Variants in PTAFR observed in about 807,000 individuals in gnomAD.
PTAFR encodes the protein platelet activating factor receptor, also known as platelet-activating factor receptor.
Under a neutral mutation model 14.7 loss-of-function variants are expected in PTAFR, and 8 were observed. That is an observed-to-expected ratio of 0.54 (90% confidence interval 0.32 to 0.98). PTAFR has a LOEUF of 0.98. Among genes scored for constraint, PTAFR ranks in the 50% least tolerant of loss-of-function variants. The probability of loss-of-function intolerance (pLI) is 0.04; values close to 1 mark genes in which losing one functional copy is unlikely to be tolerated. For missense variants in PTAFR, 337 were observed against 451.2 expected (o/e 0.75, Z 2.29); for synonymous variants, 156 against 176.5 (o/e 0.88, Z 0.92).
At chr1:28,184,589 T>A (rs1429860819) in intron 1 of PTAFR, among the ~76,000 whole-genome samples, 1 of 152,144 alleles carries the variant, frequency 6.6e-6, no homozygotes, top group Non-Finnish European at 1.5e-5. Context: ...CGTTCTGTTC[T>A]TCCTGCCCTT....
intron 1 of PTAFR, among the ~76,000 whole-genome samples, chr1:28,164,136 G>A (rs1433300915): frequency 5.3e-5 from 8 of 152,240 alleles, no homozygotes; most frequent in Non-Finnish European, 2.9e-5. Flanking sequence ...GACAGCCAGA[G>A]AGGAGGGACC....
At chr1:28,188,275 G>T (rs552547275) in intron 1 of PTAFR, among the ~76,000 whole-genome samples, 56 of 152,104 alleles carry the variant, frequency 3.7e-4, no homozygotes, top group Non-Finnish European at 6.3e-4. Flanking sequence ...TCAAGACGCT[G>T]TCTCTACTAA....
At chr1:28,173,238 C>T (rs375613921) in intron 1 of PTAFR, among the ~76,000 whole-genome samples, 2 of 137,138 alleles carry the variant, frequency 1.5e-5, no homozygotes, top group Admixed American at 1.6e-4. Flanking sequence ...CAGTGAGTCA[C>T]GATCATGCCA....
chr1:28,153,385 G>A (rs1438207631), intron 1 of PTAFR, among the ~76,000 whole-genome samples: 1 of 152,090 alleles, frequency 6.6e-6, no homozygotes, highest in Non-Finnish European at 1.5e-5. Flanking sequence ...CAGGGAGGAG[G>A]ATGGGAAGCA....
At position 28,162,696 on chromosome 1, in the gene PTAFR, G is replaced by T. The variant is rs184742029; in HGVS notation, c.-38-11637C>A. Reference sequence around the variant, plus strand: ...CAAAAATTAGCCAGGCATGGTGGTGGGTGCCTGTAATCCCAGCTACTCTGG... The same window carrying T: ...CAAAAATTAGCCAGGCATGGTGGTGTGTGCCTGTAATCCCAGCTACTCTGG... On this transcript the variant is annotated intron_variant, in intron 1 of 1. Coordinates refer to ENST00000373857, the MANE Select transcript of PTAFR (RefSeq NM_000952.5). Among the ~76,000 whole-genome samples the T allele has an allele frequency of 1.3e-4, 20 of 151,822 alleles. 1 individual carries two copies. In the East Asian group the frequency reaches 3.3e-3, roughly 25 times the overall value.
At position 28,150,311 on chromosome 1, in the gene PTAFR, G is replaced by C. The variant is rs1646166149; in HGVS notation, c.711C>G (p.Val237=). The C allele has an allele frequency of 6.2e-7, 1 of 1,613,714 alleles. No homozygotes were observed. Among genetic ancestry groups the C allele is most frequent in the Non-Finnish European group, 8.5e-7 (1 of 1,179,706 alleles). Residue 237 remains valine (V), a synonymous_variant, in exon 2 of 2, where the codon GTC becomes GTG. Transcript: ENST00000373857. The surrounding 1 kb of genome is among the most constrained non-coding windows in gnomAD (Gnocchi z 6.3). The part of the protein sequence containing the change: ...KRRALWMVCT[V]LAVFIICFVP... ...CGAAGCAGATGATGAACACCGCCAA[G>C]ACCGTGCACACCATCCACAGCGCCC...
intron 1 of PTAFR, among the ~76,000 whole-genome samples, chr1:28,185,871 T>G (rs1646602048): frequency 6.6e-6 from 1 of 152,036 alleles, no homozygotes; most frequent in African/African-American, 2.4e-5. Flanking sequence ...GCAATCATGC[T>G]CCTATAAACA....
At chr1:28,179,981 C>T (rs1572047899), upstream of PTAFR, among the ~76,000 whole-genome samples, 1 of 151,962 alleles carries the variant, frequency 6.6e-6, no homozygotes, top group Non-Finnish European at 1.5e-5. Flanking sequence ...ACAATGGAGC[C>T]AGTTCTCTCC....
intron 1 of PTAFR, among the ~76,000 whole-genome samples, chr1:28,172,904 G>A (rs889032441): frequency 1.3e-5 from 2 of 151,994 alleles, no homozygotes; most frequent in African/African-American, 4.8e-5. Flanking sequence ...AAGGAAGTGA[G>A]ATTATTGGTG....
chr1:28,150,926 A>G lies in PTAFR; in HGVS notation c.96T>C (p.Ala32=), dbSNP rs1438460582. 6.2e-7 allele frequency: 1 copy of G among 1,614,124 alleles called. No homozygotes were observed. Residue 32 remains alanine (A), a synonymous_variant, in exon 2 of 2, where the codon GCT becomes GCC. Transcript: ENST00000373857. This position sits in a 1 kb window ranked among gnomAD's most constrained non-coding sequence, Gnocchi z 6.3. ...YSIIFVLGVI[A]NGYVLWVFAR... ...CAAAGACCCACAGCACGTAGCCATT[A>G]GCAATGACCCCGAGCACAAAGATGA...
intron 1 of PTAFR, among the ~76,000 whole-genome samples, chr1:28,189,250 T>A (rs1172060164): frequency 2.0e-5 from 3 of 150,280 alleles, no homozygotes; most frequent in African/African-American, 7.3e-5. Context: ...AACAGACATT[T>A]GTATGATTCT....
chr1:28,189,976 TA>T (rs1351069226), intron 1 of PTAFR, among the ~76,000 whole-genome samples: 58 of 148,616 alleles, frequency 3.9e-4, no homozygotes, highest in African/African-American at 1.4e-3. Flanking sequence ...AAATAACATT[TA>T]TTTTTTTTGA....
chr1:28,163,621 C>G (rs77786804), intron 1 of PTAFR, among the ~76,000 whole-genome samples: 168 of 152,334 alleles, frequency 1.1e-3, no homozygotes, highest in African/African-American at 3.9e-3. Context: ...TCTTCATTTG[C>G]AAAATCTTAC....
chr1:28,168,112 C>A (rs1026230001), intron 1 of PTAFR, among the ~76,000 whole-genome samples: 5 of 148,560 alleles, frequency 3.4e-5, no homozygotes, highest in Non-Finnish European at 7.4e-5. Context: ...GTGCCCGCCA[C>A]CACACCCGGC....
intron 1 of PTAFR, among the ~76,000 whole-genome samples, chr1:28,154,940 C>G (rs2148994043): frequency 6.6e-6 from 1 of 152,094 alleles, no homozygotes; most frequent in South Asian, 2.1e-4. Flanking sequence ...GCAGAACATT[C>G]CAGGCAGAGA....
intron 1 of PTAFR, among the ~76,000 whole-genome samples, chr1:28,167,220 G>C (rs989442689): frequency 1.3e-5 from 2 of 152,166 alleles, no homozygotes; most frequent in African/African-American, 4.8e-5. Context: ...CCAGATATCA[G>C]ATAAGGGGTT....
intron 1 of PTAFR, among the ~76,000 whole-genome samples, chr1:28,191,150 G>A (rs1013990108): frequency 3.9e-5 from 6 of 152,172 alleles, no homozygotes; most frequent in Non-Finnish European, 5.9e-5. Flanking sequence ...AAAGGTCACC[G>A]TGGCATGCAC....
intron 1 of PTAFR, among the ~76,000 whole-genome samples, chr1:28,165,770 G>A (rs931782391): frequency 7.9e-5 from 12 of 151,848 alleles, no homozygotes; most frequent in African/African-American, 1.2e-4. Context: ...GTGACAGAGC[G>A]AGACTCTGTC....
intron 1 of PTAFR, among the ~76,000 whole-genome samples, chr1:28,157,809 T>G (rs1169637727): frequency 6.6e-6 from 1 of 151,688 alleles, no homozygotes; most frequent in East Asian, 1.9e-4. Context: ...TTTTTGTATT[T>G]TTGGTAGAGA....
Sources: gnomAD v4.1 joint callset for allele counts (sites outside exome capture counted in the v4.1 genomes callset) on GRCh38, gnomAD v4.1.1 for gene constraint, Gnocchi (gnomAD v3.1) non-coding constraint, MANE v1.5 for transcripts, NCBI Gene and HGNC (gene_info 2026-07-23, HGNC 2026-07-21) for gene names.